The following CD58 variants were observed in gnomAD, a reference collection of about 807,000 sequenced individuals.
CD58 encodes lymphocyte function-associated antigen 3.
A neutral mutation model predicts 27.6 loss-of-function variants in CD58; 14 were observed. The observed-to-expected ratio is 0.51, with a 90% CI of 0.34 to 0.79. The LOEUF is 0.79. Ranked by LOEUF, CD58 falls within the 30% of genes least tolerant of loss-of-function variation. The pLI is 0.02. For synonymous variants in CD58, 117 were observed against 103.8 expected (o/e 1.13, Z -0.77); for missense variants, 268 against 301.7 (o/e 0.89, Z 0.83).
Position 116,557,078 on chromosome 1 carries a change from C to T in CD58, c.71-12474G>A, listed in dbSNP as rs191198936. ...AAGGTGTTCCTGTTTTTGGCTGTAT[C>T]CCCATATGTCTGGCATATGGACTTT... On this transcript the variant is annotated intron_variant, in intron 1 of 5. Coordinates refer to ENST00000369489, the MANE Select transcript of CD58 (RefSeq NM_001779.3). The surrounding 1 kb of genome is among the most constrained non-coding windows in gnomAD (Gnocchi z 5.2). Among the ~76,000 whole-genome samples, 325 of 152,308 alleles carry T rather than the reference C, an allele frequency of 2.1e-3. 3 individuals carry two copies. The highest frequency in any genetic ancestry group is 7.3e-3 in the African/African-American group (305 of 41,578).
chr1:116,535,309 G>A (rs1420200711), intron 3 of CD58, among the ~76,000 whole-genome samples: 1 of 152,182 alleles, frequency 6.6e-6, no homozygotes. Flanking sequence ...GAGCCAGATA[G>A]CCTCTACTCA....
chr1:116,515,143 C>A lies in CD58; in HGVS notation c.744-321G>T, dbSNP rs1657034832. ...GTTAGACCCACATGTAAACTGTCAC[C>A]CATTTGTAACAGCTACTTCCTTCTT... On this transcript the variant is annotated intron_variant, in intron 5 of 5. Transcript: ENST00000369489. This position sits in a 1 kb window ranked among gnomAD's most constrained non-coding sequence, Gnocchi z 4.6. Among the ~76,000 whole-genome samples, 1 of 152,148 alleles carries A rather than the reference C, an allele frequency of 6.6e-6. No individual in the cohort carries two copies. Among genetic ancestry groups the A allele is most frequent in the South Asian group, 2.1e-4 (1 of 4,828 alleles).
At chr1:116,545,225 T>C (rs1299297008) in intron 1 of CD58, among the ~76,000 whole-genome samples, 1 of 152,172 alleles carries the variant, frequency 6.6e-6, no homozygotes, top group Non-Finnish European at 1.5e-5. Flanking sequence ...ACAGCCTATG[T>C]GTGCTAAAGT....
intron 1 of CD58, among the ~76,000 whole-genome samples, chr1:116,555,366 T>C (rs1449448099): frequency 6.6e-6 from 1 of 152,180 alleles, no homozygotes; most frequent in African/African-American, 2.4e-5. Flanking sequence ...CTCTTTTTCT[T>C]TTAATGAGTT....
rs1658338316 is a variant in CD58 at position 116,550,020 on chromosome 1, T to G, written c.71-5416A>C. On this transcript the variant is annotated intron_variant, in intron 1 of 5. Coordinates refer to ENST00000369489, the MANE Select transcript of CD58 (RefSeq NM_001779.3). This position sits in a 1 kb window ranked among gnomAD's most constrained non-coding sequence, Gnocchi z 4.2. The stretch of plus-strand genomic sequence containing the variant: ...ATGTACATATTTAATTAAAAAATAC[T>G]TTATTGCTGAAAAAAAAAACATGCT... Among the ~76,000 whole-genome samples the G allele has an allele frequency of 6.6e-6, 1 of 152,088 alleles. No individual in the cohort carries two copies. The highest frequency in any genetic ancestry group is 2.4e-5 in the African/African-American group (1 of 41,350).
rs916408049 is a variant in CD58 at position 116,536,009 on chromosome 1, T to A, written c.584A>T (p.Asn195Ile). Residue 195 changes from asparagine to isoleucine, a missense_variant, in exon 3 of 6, where the codon AAT (asparagine) becomes ATT (isoleucine). Asn to Ile is a moderately radical substitution (Grantham distance 149). Transcript: ENST00000369489. The surrounding 1 kb of genome is among the most constrained non-coding windows in gnomAD (Gnocchi z 5.4). ...IQCTLSNPLF[N>I]TTSSIILTTC... is the part of the protein sequence containing the mutation. ...TGTCAAAATGATTGATGATGTTGTA[T>A]TAAATAATGGATTGCTAAGAGTACA... is the stretch of plus-strand genomic sequence containing the variant. 9.9e-6 allele frequency: 16 copies of A among 1,612,782 alleles called. No individual in the cohort carries two copies. The highest frequency in any genetic ancestry group is 1.4e-5 in the Non-Finnish European group (16 of 1,179,560).
At chr1:116,520,950 T>G (rs1013754765) in intron 4 of CD58, among the ~76,000 whole-genome samples, 1 of 152,216 alleles carries the variant, frequency 6.6e-6, no homozygotes, top group Non-Finnish European at 1.5e-5. Flanking sequence ...AAGAAAACTT[T>G]CTGCAATGAT....
intron 3 of CD58, among the ~76,000 whole-genome samples, chr1:116,526,532 G>A (rs755951518): frequency 6.6e-6 from 1 of 152,126 alleles, no homozygotes; most frequent in Non-Finnish European, 1.5e-5. Context: ...TCTCTATTCC[G>A]ATTCACTGAT....
intron 5 of CD58, chr1:116,518,669 A>T: frequency 3.0e-6 from 3 of 986,702 alleles, no homozygotes; most frequent in Non-Finnish European, 2.4e-6. Flanking sequence ...CACCAGTGGG[A>T]TCTGCCAGGA....
At chr1:116,558,050 A>G (rs952514924) in intron 1 of CD58, among the ~76,000 whole-genome samples, 3 of 151,962 alleles carry the variant, frequency 2.0e-5, no homozygotes, top group African/African-American at 7.3e-5. Context: ...TGTTCTTAGA[A>G]ATAAACAATG....
intron 4 of CD58, among the ~76,000 whole-genome samples, chr1:116,520,870 A>T (rs1486714374): frequency 6.6e-6 from 1 of 152,202 alleles, no homozygotes; most frequent in Non-Finnish European, 1.5e-5. Context: ...AACTTATAAT[A>T]TGAAAATGTT....
chr1:116,563,129 C>T lies in CD58; in HGVS notation c.70+7774G>A, dbSNP rs894052990. 6.6e-6 allele frequency among the ~76,000 whole-genome samples: 1 copy of T among 152,192 alleles called. No homozygotes were observed. Among genetic ancestry groups the T allele is most frequent in the Non-Finnish European group, 1.5e-5 (1 of 68,028 alleles). On this transcript the variant is annotated intron_variant, in intron 1 of 5. Coordinates refer to ENST00000369489, the MANE Select transcript of CD58 (RefSeq NM_001779.3). This position sits in a 1 kb window ranked among gnomAD's most constrained non-coding sequence, Gnocchi z 4.1. ...GGAGAAATTGTCCAAAACAAAAGGG[C>T]TACAGGCCCCATGCAAGTCCTAAAT...
rs1657499440 is a variant in CD58, at chr1:116,528,649, G to A, written c.629-6666C>T. The stretch of plus-strand genomic sequence containing the variant: ...ATTTAGAGTTCTGTGTCAATGTGGA[G>A]GGTGTTACAATCATCCTACTTCTTC... On this transcript the variant is annotated intron_variant, in intron 3 of 5. Coordinates refer to ENST00000369489, the MANE Select transcript of CD58 (RefSeq NM_001779.3). The surrounding 1 kb of genome is among the most constrained non-coding windows in gnomAD (Gnocchi z 4.4). Among the ~76,000 whole-genome samples, 1 of 152,190 alleles carries A rather than the reference G, an allele frequency of 6.6e-6. No individual in the cohort carries two copies. Among genetic ancestry groups the A allele is most frequent in the Admixed American group, 6.5e-5 (1 of 15,288 alleles).
At chr1:116,569,291 C>G (rs1473232224) in intron 1 of CD58, among the ~76,000 whole-genome samples, 1 of 152,320 alleles carries the variant, frequency 6.6e-6, no homozygotes, top group Admixed American at 6.5e-5. Context: ...TCCACCCTGG[C>G]CTTCTGGCCT....
chr1:116,546,098 T>C lies in CD58; in HGVS notation c.71-1494A>G, dbSNP rs144215649. Among the ~76,000 whole-genome samples the C allele has an allele frequency of 8.1e-3, 1,230 of 152,298 alleles. 13 individuals are homozygous for C. The highest frequency in any genetic ancestry group is 0.025 in the South Asian group (119 of 4,830). On this transcript the variant is annotated intron_variant, in intron 1 of 5. Coordinates refer to ENST00000369489, the MANE Select transcript of CD58 (RefSeq NM_001779.3). This position sits in a 1 kb window ranked among gnomAD's most constrained non-coding sequence, Gnocchi z 4.1. Reference sequence around the variant, plus strand: ...GGCTGAAGAGGATTACTTGAAGCCATGAGGCAGAGATTGCAGTCAGCCATG... The same window carrying C: ...GGCTGAAGAGGATTACTTGAAGCCACGAGGCAGAGATTGCAGTCAGCCATG...
At position 116,535,638 on chromosome 1, in the gene CD58, G is replaced by A. The variant is rs533142569; in HGVS notation, c.628+327C>T. ...GGGCGGATCACGAGGTCAGGAGATC[G>A]AGACCATCCTGGCTAACACGGTGAA... On this transcript the variant is annotated intron_variant, in intron 3 of 5. Transcript: ENST00000369489. Among the ~76,000 whole-genome samples, 102 of 99,238 alleles carry A rather than the reference G, an allele frequency of 1.0e-3. 21 individuals are homozygous for A. The highest frequency in any genetic ancestry group is 4.9e-3 in the African/African-American group (98 of 20,142). The allele number at this position is 99,238 out of a possible 152,430, so 65.1% of individuals were successfully genotyped here. A position where few individuals can be genotyped will look rare whatever the true frequency, so the allele number is the denominator to read the frequency against.
rs1184029767 is a variant in CD58, at chr1:116,552,068, T to C, written c.71-7464A>G. ...TGTCATGGCTTTTCACATGCCTTCC[T>C]CACTAAGCTTAATCATTTCTAGTTT... On this transcript the variant is annotated intron_variant, in intron 1 of 5. Transcript: ENST00000369489. The surrounding 1 kb of genome is among the most constrained non-coding windows in gnomAD (Gnocchi z 4.5). 1.3e-5 allele frequency among the ~76,000 whole-genome samples: 2 copies of C among 152,214 alleles called. No homozygotes were observed. Among genetic ancestry groups the C allele is most frequent in the East Asian group, 3.8e-4 (2 of 5,198 alleles).
At chr1:116,547,655 C>CAT (rs143431799) in intron 1 of CD58, among the ~76,000 whole-genome samples, 32 of 151,248 alleles carry the variant, frequency 2.1e-4, no homozygotes, top group East Asian at 5.8e-4. Context: ...ATGGCATATT[C>CAT]ATATATATAT....
chr1:116,525,730 C>T (rs906908913), intron 3 of CD58, among the ~76,000 whole-genome samples: 31 of 152,166 alleles, frequency 2.0e-4, no homozygotes, highest in African/African-American at 5.1e-4. Context: ...GTGTGATAGG[C>T]GTGAAGTGGT....
Sources: allele counts gnomAD v4.1 joint callset (sites outside exome capture counted in the v4.1 genomes callset), GRCh38; gene constraint gnomAD v4.1.1; non-coding constraint Gnocchi (gnomAD v3.1); transcripts MANE v1.5; gene names NCBI Gene and HGNC (gene_info 2026-07-23, HGNC 2026-07-21).